The following HMGN5 variants were observed in gnomAD, a reference collection of about 807,000 sequenced individuals.
HMGN5 encodes high mobility group nucleosome binding domain 5.
A neutral mutation model predicts 9.5 loss-of-function variants in HMGN5; 4 were observed. That is an observed-to-expected ratio of 0.42 (90% CI 0.21 to 0.96). The LOEUF (loss-of-function observed/expected upper bound fraction) is 0.96. Ranked by LOEUF, HMGN5 falls within the 40% of genes least tolerant of loss-of-function variation. The pLI, the probability that HMGN5 is intolerant of heterozygous loss-of-function variation, is 0.30. For synonymous variants in HMGN5, 55 were observed against 57.1 expected (o/e 0.96, Z 0.16); for missense variants, 192 against 187.5 (o/e 1.02, Z -0.14).
intron 1 of HMGN5, among the ~76,000 whole-genome samples, chrX:81,153,640 T>TATATAA (rs2075374973): frequency 3.9e-5 from 2 of 51,399 alleles, no homozygotes; most frequent in African/African-American, 1.6e-4. Context: ...TATATATATA[T>TATATAA]GTATCTCCTT....
chrX:81,122,885 G>A (rs1011333753), intron 1 of HMGN5, among the ~76,000 whole-genome samples: 3 of 110,689 alleles, frequency 2.7e-5, no homozygotes, highest in African/African-American at 9.9e-5. Context: ...TAAAATAGAG[G>A]ATCTAATTCC....
intron 5 of HMGN5, among the ~76,000 whole-genome samples, chrX:81,116,609 A>G (rs1245810379): frequency 8.9e-6 from 1 of 111,868 alleles, no homozygotes; most frequent in Non-Finnish European, 1.9e-5. Flanking sequence ...ATGAGAGGCA[A>G]CCAGTTAGAA....
chrX:81,183,366 A>G (rs2075468139), intron 1 of HMGN5, among the ~76,000 whole-genome samples: 1 of 112,598 alleles, frequency 8.9e-6, no homozygotes, highest in Admixed American at 9.3e-5. Flanking sequence ...CTAGGAGGGA[A>G]GAATCATTTC....
intron 1 of HMGN5, among the ~76,000 whole-genome samples, chrX:81,129,365 A>G (rs776069028): frequency 9.0e-6 from 1 of 111,593 alleles, no homozygotes; most frequent in Admixed American, 9.5e-5. Flanking sequence ...TTTGATTTGC[A>G]TATCTTTAAT....
intron 1 of HMGN5, among the ~76,000 whole-genome samples, chrX:81,166,883 C>A (rs897041567): frequency 9.0e-6 from 1 of 111,559 alleles, no homozygotes; most frequent in Non-Finnish European, 1.9e-5. Flanking sequence ...AGGTCCCAAA[C>A]AGCCATTTCA....
chrX:81,196,728 G>T (rs905605551), intron 1 of HMGN5, among the ~76,000 whole-genome samples: 11 of 110,221 alleles, frequency 1.0e-4, no homozygotes, highest in African/African-American at 3.6e-4. Context: ...TTTTAGTAGA[G>T]ATGGGGTTTC....
intron 1 of HMGN5, among the ~76,000 whole-genome samples, chrX:81,175,065 A>G (rs779963693): frequency 2.1e-4 from 23 of 112,122 alleles, no homozygotes; most frequent in African/African-American, 7.4e-4. Flanking sequence ...AAGACTGATG[A>G]TGGAAGAATA....
At position 81,192,784 on chromosome X, in the gene HMGN5, A is replaced by C. The variant is rs959238419; in HGVS notation, c.-124+8953T>G. ...TATTATTTTAGCACAGTTATATTCT[A>C]TGCTGACAGTTATATTCTTTTAGAA... On this transcript the variant is annotated intron_variant, in intron 1 of 6. Transcript: ENST00000358130. 1.7e-4 allele frequency among the ~76,000 whole-genome samples: 19 copies of C among 111,744 alleles called. 1 individual carries two copies. Among genetic ancestry groups the C allele is most frequent in the African/African-American group, 6.2e-4 (19 of 30,837 alleles).
intron 1 of HMGN5, among the ~76,000 whole-genome samples, chrX:81,175,200 C>T (rs944823906): frequency 6.3e-5 from 7 of 111,878 alleles, no homozygotes; most frequent in Admixed American, 9.5e-5. Flanking sequence ...ATGTATTATG[C>T]GAAACCAGTG....
At chrX:81,194,207 C>T (rs1194690636) in intron 1 of HMGN5, among the ~76,000 whole-genome samples, 1 of 111,456 alleles carries the variant, frequency 9.0e-6, no homozygotes, top group East Asian at 2.8e-4. Flanking sequence ...AAAAGCACCA[C>T]AATAAAGCTT....
intron 1 of HMGN5, 109 bp downstream of exon 1, chrX:81,201,628 C>G (rs967171473): frequency 8.9e-6 from 1 of 112,028 alleles, no homozygotes; most frequent in African/African-American, 3.3e-5. Context: ...TGCAGCATTG[C>G]TCAGTACTTT....
intron 1 of HMGN5, among the ~76,000 whole-genome samples, chrX:81,200,678 C>G (rs144485564): frequency 0.012 from 1,298 of 111,153 alleles, 13 homozygotes; most frequent in African/African-American, 0.04. Flanking sequence ...GGACACAGGA[C>G]AGGGAACATC....
chrX:81,177,582 C>G (rs1305334319), intron 1 of HMGN5, among the ~76,000 whole-genome samples: 1 of 109,346 alleles, frequency 9.1e-6, no homozygotes, highest in Non-Finnish European at 1.9e-5. Flanking sequence ...TAGAGACCTA[C>G]AAAGAGACTT....
At chrX:81,162,773 C>T (rs1462757686) in intron 1 of HMGN5, among the ~76,000 whole-genome samples, 2 of 111,188 alleles carry the variant, frequency 1.8e-5, no homozygotes, top group Admixed American at 9.6e-5. Flanking sequence ...GAAAATGAGA[C>T]CTTGTAGTTG....
chrX:81,172,256 C>T (rs1457804461), intron 1 of HMGN5, among the ~76,000 whole-genome samples: 1 of 110,663 alleles, frequency 9.0e-6, no homozygotes, highest in Non-Finnish European at 1.9e-5. Context: ...TGTTTGCATG[C>T]TGATGAGAAA....
chrX:81,137,146 A>G lies in HMGN5; in HGVS notation c.-123-15474T>C, dbSNP rs765201913. On this transcript the variant is annotated intron_variant, in intron 1 of 6. Coordinates refer to ENST00000358130, the MANE Select transcript of HMGN5 (RefSeq NM_030763.3). Reference sequence around the variant, plus strand: ...TGGATCTGTATAGTTGGGGACTTTCACATATTCTTCATAGCAACTGATAGA... The same window carrying G: ...TGGATCTGTATAGTTGGGGACTTTCGCATATTCTTCATAGCAACTGATAGA... 4.5e-5 allele frequency among the ~76,000 whole-genome samples: 5 copies of G among 111,545 alleles called. No homozygotes were observed. In the East Asian group the frequency reaches 1.4e-3, roughly 31 times the overall value.
intron 1 of HMGN5, among the ~76,000 whole-genome samples, chrX:81,181,972 A>T (rs772565952): frequency 6.3e-5 from 7 of 111,635 alleles, no homozygotes; most frequent in African/African-American, 2.3e-4. Flanking sequence ...TAGGAGTGGG[A>T]TTGCTGGATC....
chrX:81,181,448 TA>T (rs1299951339), intron 1 of HMGN5, among the ~76,000 whole-genome samples: 1 of 111,629 alleles, frequency 9.0e-6, no homozygotes, highest in African/African-American at 3.3e-5. Context: ...ATCCTTTGGT[TA>T]CAAGCTATCC....
chrX:81,149,308 A>G (rs1289808528), intron 1 of HMGN5, among the ~76,000 whole-genome samples: 1 of 111,601 alleles, frequency 9.0e-6, no homozygotes, highest in Non-Finnish European at 1.9e-5. Context: ...ATAAAAAAGG[A>G]TGAGTTCATG....
Sources: gnomAD v4.1 joint callset for allele counts (sites outside exome capture counted in the v4.1 genomes callset) on GRCh38, gnomAD v4.1.1 for gene constraint, MANE v1.5 for transcripts, NCBI Gene and HGNC (gene_info 2026-07-23, HGNC 2026-07-21) for gene names.